SHC1: variants seen among roughly 807,000 people sequenced by gnomAD.
SHC1 encodes SHC-transforming protein 1.
Under a neutral mutation model 55.9 loss-of-function variants are expected in SHC1, and 30 were observed. The ratio of observed to expected loss-of-function variants is 0.54; its 90% CI spans 0.40 to 0.73. The LOEUF (loss-of-function observed/expected upper bound fraction) is 0.73, where lower values mean the gene tolerates loss of function less well. SHC1 is among the 30% of genes least tolerant of loss of function. The pLI is 0.00. For missense variants in SHC1, 675 were observed against 777.1 expected (o/e 0.87, Z 1.56); for synonymous variants, 309 against 306.1 (o/e 1.01, Z -0.10).
intron 11 of SHC1, 147 bp from the exon 12 acceptor site, chr1:154,964,078 A>G (rs1558049718): frequency 9.5e-6 from 8 of 838,758 alleles, no homozygotes; most frequent in Non-Finnish European, 1.7e-5. Context: ...AATCCTGATC[A>G]TTGAGGCTTC....
chr1:154,963,964 G>C (rs1157062829), intron 11 of SHC1, 33 bp from the exon 12 acceptor site: 1 of 1,612,810 alleles, frequency 6.2e-7, no homozygotes. Context: ...GGTCAATTCA[G>C]GTGAAGAGTC....
rs1385787415 is a variant in SHC1 at position 154,965,979 on chromosome 1, T to C, written c.1354A>G (p.Asn452Asp). 1.9e-6 allele frequency: 3 copies of C among 1,613,650 alleles called. No individual in the cohort carries two copies. The highest frequency in any genetic ancestry group is 2.5e-6 in the Non-Finnish European group (3 of 1,179,878). Residue 452 changes from asparagine to aspartate, a missense_variant, in exon 10 of 12, where the codon AAT becomes GAT. Around this residue, in one of 3 missense-constraint regions of SHC1, gnomAD observed 360 missense variants for 371.1 expected, o/e 0.97. Coordinates refer to ENST00000448116, the MANE Select transcript of SHC1 (RefSeq NM_001130040.2). ...AACAGGTCCCGGGGTGCACTGCCATTGATAGCAGGATTGGGGGGCCCAGCA... is the reference window on the plus strand; with the variant it reads ...AACAGGTCCCGGGGTGCACTGCCATCGATAGCAGGATTGGGGGGCCCAGCA... Reference protein sequence around the residue: ...GGAGPPNPAINGSAPRDLFDM... With the variant: ...GGAGPPNPAIDGSAPRDLFDM...
At chr1:154,964,081 G>C (rs1478850801) in intron 11 of SHC1, 150 bp from the exon 12 acceptor site, 1 of 832,602 alleles carries the variant, frequency 1.2e-6, no homozygotes, top group African/African-American at 1.7e-5. Context: ...CCTGATCATT[G>C]AGGCTTCTCT....
chr1:154,965,290 G>A, intron 11 of SHC1: 1 of 1,198,378 alleles, frequency 8.3e-7, no homozygotes, highest in Middle Eastern at 2.5e-4. Flanking sequence ...ACCTGCCTCA[G>A]CCTCCCAAAG....
At chr1:154,966,902 A>C (rs1175508863) in intron 7 of SHC1, among the ~76,000 whole-genome samples, 1 of 152,218 alleles carries the variant, frequency 6.6e-6, no homozygotes, top group African/African-American at 2.4e-5. Flanking sequence ...TAGGAGTTCA[A>C]GACCAGCCAG....
chr1:154,966,938 A>C (rs960410905), intron 7 of SHC1, among the ~76,000 whole-genome samples: 1 of 152,118 alleles, frequency 6.6e-6, no homozygotes, highest in Non-Finnish European at 1.5e-5. Context: ...CCTTATCTCT[A>C]CCAGAATAAA....
chr1:154,969,263 T>G (rs1656424434), intron 2 of SHC1, 115 bp downstream of exon 2: 2 of 730,556 alleles, frequency 2.7e-6, no homozygotes, highest in East Asian at 5.4e-5. Flanking sequence ...TCAATCCCCT[T>G]TACTACGCAA....
Position 154,966,372 on chromosome 1 carries a change from C to T in SHC1, c.1129G>A (p.Ala377Thr). 1 of 1,614,152 alleles carries T rather than the reference C, an allele frequency of 6.2e-7. No individual in the cohort carries two copies. The highest frequency in any genetic ancestry group is 1.1e-5 in the South Asian group (1 of 91,086). The change falls in exon 8 of 12, where the codon GCT becomes ACT. Residue 377 changes from alanine (A) to threonine (T), a missense_variant. By Grantham distance (58) the Ala-to-Thr change is moderately conservative. Coordinates refer to ENST00000448116, the MANE Select transcript of SHC1 (RefSeq NM_001130040.2). The part of the protein sequence containing the change: ...RLREGAAPGA[A>T]RPTAPNAQTP... ...TGGGCATTGGGTGCAGTGGGTCGAG[C>T]AGCCCCTGGAGCGGCTCCTTCCCGA...
rs1369589172 is a variant in SHC1, at chr1:154,966,433, C to T, written c.1068G>A (p.Lys356=). 6.2e-7 allele frequency: 1 copy of T among 1,613,168 alleles called. No individual in the cohort carries two copies. The highest frequency in any genetic ancestry group is 8.5e-7 in the Non-Finnish European group (1 of 1,179,456). ...CTACCACCCCCCCCAAGGGGGGTTCCTTCCCCGGGAAGTCATTATAGTACT... is the reference window on the plus strand; with the variant it reads ...CTACCACCCCCCCCAAGGGGGGTTCTTTCCCCGGGAAGTCATTATAGTACT... ...DHQYYNDFPG[K]EPPLGGVVDM... is the part of the protein sequence containing the mutation. Residue 356 remains lysine (K), a synonymous_variant, in exon 8 of 12, where the codon AAG becomes AAA. Coordinates refer to ENST00000448116, the MANE Select transcript of SHC1 (RefSeq NM_001130040.2).
chr1:154,966,265 C>A, intron 8 of SHC1, 34 bp from the exon 9 acceptor site: 1 of 1,612,212 alleles, frequency 6.2e-7, no homozygotes, highest in Non-Finnish European at 8.5e-7. Flanking sequence ...GACCAGAAGC[C>A]CTAACCAACC....
At position 154,970,368 on chromosome 1, in the gene SHC1, A is replaced by G. The variant is rs542511940; in HGVS notation, c.159T>C (p.Asp53=). 6.2e-7 allele frequency: 1 copy of G among 1,604,738 alleles called. No homozygotes were observed. Among genetic ancestry groups the G allele is most frequent in the Non-Finnish European group, 8.5e-7 (1 of 1,175,784 alleles). ...GPILPPLPGD[D]SPTTLCSFFP... ...AGAAGGAGCACAGGGTAGTGGGACTATCGTCCCCAGGCAGAGGAGGCAGGA... is the reference window on the plus strand; with the variant it reads ...AGAAGGAGCACAGGGTAGTGGGACTGTCGTCCCCAGGCAGAGGAGGCAGGA... The change falls in exon 1 of 12, where the codon GAT becomes GAC. Residue 53 remains aspartate, a synonymous_variant. Coordinates refer to ENST00000448116, the MANE Select transcript of SHC1 (RefSeq NM_001130040.2). The surrounding 1 kb of genome is among the most constrained non-coding windows in gnomAD (Gnocchi z 5.5).
At position 154,966,005 on chromosome 1, in the gene SHC1, C is replaced by A. The variant is rs763062912; in HGVS notation, c.1328G>T (p.Gly443Val). 3 of 1,613,972 alleles carry A rather than the reference C, an allele frequency of 1.9e-6. No individual in the cohort carries two copies. The highest frequency in any genetic ancestry group is 2.7e-5 in the African/African-American group (2 of 74,882). Residue 443 changes from glycine (G) to valine (V), a missense_variant, in exon 10 of 12, where the codon GGT becomes GTT. By Grantham distance (109) the Gly-to-Val change is moderately radical. Coordinates refer to ENST00000448116, the MANE Select transcript of SHC1 (RefSeq NM_001130040.2). ...GATAGCAGGATTGGGGGGCCCAGCA[C>A]CACCCACTGCTTGCCGGGCCTTGTC... Reference protein sequence around the residue: ...NLDKARQAVGGAGPPNPAING... With the variant: ...NLDKARQAVGVAGPPNPAING...
At chr1:154,972,118 G>A (rs1345071493), upstream of SHC1, among the ~76,000 whole-genome samples, 1 of 151,778 alleles carries the variant, frequency 6.6e-6, no homozygotes, top group Non-Finnish European at 1.5e-5. Context: ...CGTGGTGGCG[G>A]GCACCTGTAA....
chr1:154,964,616 T>TAGGA (rs1210778277), intron 11 of SHC1, among the ~76,000 whole-genome samples: 3 of 152,270 alleles, frequency 2.0e-5, no homozygotes, highest in East Asian at 3.9e-4. Context: ...CCTGGGTAGG[T>TAGGA]AGGACTACAG....
At chr1:154,969,835 AGAAG>A (rs1432025412) in intron 1 of SHC1, among the ~76,000 whole-genome samples, 193 bp downstream of exon 1, 4 of 149,990 alleles carry the variant, frequency 2.7e-5, no homozygotes, top group African/African-American at 9.8e-5. Context: ...GGGAGTGAAA[AGAAG>A]GAAGGGGGCC....
At position 154,965,635 on chromosome 1, in the gene SHC1, G is replaced by A. The variant is rs1284459246; in HGVS notation, c.1534C>T (p.Arg512Trp). 6.2e-6 allele frequency: 10 copies of A among 1,613,994 alleles called. No individual in the cohort carries two copies. Among genetic ancestry groups the A allele is most frequent in the East Asian group, 2.2e-5 (1 of 44,888 alleles). Residue 512 changes from arginine (R) to tryptophan (W), a missense_variant, in exon 11 of 12, where the codon CGG becomes TGG. Around this residue, in one of 3 missense-constraint regions of SHC1, gnomAD observed 360 missense variants for 371.1 expected, o/e 0.97. Transcript: ENST00000448116. Reference protein sequence around the residue: ...LLQLNGDFLVRESTTTPGQYV... With the variant: ...LLQLNGDFLVWESTTTPGQYV... ...TGGCCAGGTGTGGTCGTGCTCTCCC[G>A]TACCAGGAAGTCCCCATTGAGCTGC... is the stretch of plus-strand genomic sequence containing the variant.
chr1:154,973,578 C>G (rs1178544603), upstream of SHC1: 3 of 151,254 alleles, frequency 2.0e-5, no homozygotes, highest in Non-Finnish European at 4.4e-5. Flanking sequence ...AATCTCACTC[C>G]TTACAGCCAG....
Position 154,965,926 on chromosome 1 carries a change from GGA to G in SHC1, c.1387+18_1387+19del, listed in dbSNP as rs762597104. ...AAGTAGAAAGGTGGGGATGCAGAGA[GGA>G]GAGAGACGAGCACTCACTCATGTCA... On this transcript the variant is annotated intron_variant, in intron 10 of 11. Transcript: ENST00000448116. The G allele has an allele frequency of 5.6e-6, 9 of 1,601,548 alleles. No individual in the cohort carries two copies. The Admixed American group carries it at 1.5e-4, about 27-fold the overall frequency.
In SHC1 at chr1:154,965,977, A is replaced by G; in HGVS notation, c.1356T>C (p.Asn452=). ...CAAACAGGTCCCGGGGTGCACTGCCATTGATAGCAGGATTGGGGGGCCCAG... is the reference window on the plus strand; with the variant it reads ...CAAACAGGTCCCGGGGTGCACTGCCGTTGATAGCAGGATTGGGGGGCCCAG... ...GGAGPPNPAI[N]GSAPRDLFDM... Residue 452 remains asparagine (N), a synonymous_variant, in exon 10 of 12, where the codon AAT becomes AAC. Coordinates refer to ENST00000448116, the MANE Select transcript of SHC1 (RefSeq NM_001130040.2). 1.3e-5 allele frequency: 21 copies of G among 1,613,862 alleles called. No individual in the cohort carries two copies. The highest frequency in any genetic ancestry group is 1.8e-5 in the Non-Finnish European group (21 of 1,179,880).
Sources: allele counts gnomAD v4.1 joint callset (sites outside exome capture counted in the v4.1 genomes callset), GRCh38; gene constraint gnomAD v4.1.1; regional missense constraint gnomAD v4.1.1; non-coding constraint Gnocchi (gnomAD v3.1); transcripts MANE v1.5; gene names NCBI Gene and HGNC (gene_info 2026-07-23, HGNC 2026-07-21).